HTR2A: variants seen among roughly 807,000 people sequenced by gnomAD.
HTR2A encodes the protein 5-hydroxytryptamine receptor 2A.
A neutral mutation model predicts 31.0 loss-of-function variants in HTR2A; 14 were observed. That is an observed-to-expected ratio of 0.45 (90% confidence interval 0.30 to 0.71). The LOEUF is 0.71. Ranked by LOEUF, HTR2A falls within the 30% of genes least tolerant of loss-of-function variation. HTR2A has a pLI of 0.09. For missense variants in HTR2A, 442 were observed against 573.3 expected (o/e 0.77, Z 2.34); for synonymous variants, 209 against 225.2 (o/e 0.93, Z 0.64).
At position 46,834,914 on chromosome 13, in the gene HTR2A, C is replaced by T. The variant is rs201018904; in HGVS notation, c.1339G>A (p.Ala447Thr). The change falls in exon 4 of 4, where the codon GCT becomes ACT. Residue 447 changes from alanine (A) to threonine (T), a missense_variant. Ala to Thr is a moderately conservative substitution (Grantham distance 58, BLOSUM62 0). Around this residue, in one of 5 missense-constraint regions of HTR2A, gnomAD observed 88 missense variants for 83.1 expected, o/e 1.06. Transcript: ENST00000542664. ...TCTTCAGAATGCTGCTTTCCTAGAG[C>T]AACCATTGAGCAGTCATTATCTGTT... Reference protein sequence around the residue: ...KTTDNDCSMVALGKQHSEEAS... With the variant: ...KTTDNDCSMVTLGKQHSEEAS... 8.2e-5 allele frequency: 133 copies of T among 1,614,090 alleles called. No homozygotes were observed. The Middle Eastern group carries it at 1.5e-3, about 18-fold the overall frequency.
At chr13:46,854,994 CATT>C (rs1488300752) in intron 3 of HTR2A, among the ~76,000 whole-genome samples, 2 of 152,200 alleles carry the variant, frequency 1.3e-5, no homozygotes, top group African/African-American at 2.4e-5. Flanking sequence ...GCTGAGATAA[CATT>C]ATGTGAAGAT....
intron 3 of HTR2A, among the ~76,000 whole-genome samples, chr13:46,844,268 TGAGA>T: frequency 6.6e-6 from 1 of 152,184 alleles, no homozygotes; most frequent in East Asian, 1.9e-4. Flanking sequence ...GGTAAACAAA[TGAGA>T]GAGAGGAAAA....
At chr13:46,888,377 G>T (rs1473101515) in intron 3 of HTR2A, among the ~76,000 whole-genome samples, 1 of 151,838 alleles carries the variant, frequency 6.6e-6, no homozygotes, top group Non-Finnish European at 1.5e-5. Flanking sequence ...ACAAGGTGAT[G>T]TTTCTGAAGG....
chr13:46,845,252 T>C (rs775266825), intron 3 of HTR2A, among the ~76,000 whole-genome samples: 14 of 152,162 alleles, frequency 9.2e-5, no homozygotes, highest in Non-Finnish European at 2.1e-4. Flanking sequence ...GCGAGGCTCA[T>C]TGTTGGTTGG....
chr13:46,883,440 A>G lies in HTR2A; in HGVS notation c.613+8950T>C, dbSNP rs375906642. Among the ~76,000 whole-genome samples the G allele has an allele frequency of 3.9e-5, 6 of 152,348 alleles. No individual in the cohort carries two copies. In the South Asian group the frequency reaches 1.2e-3, roughly 32 times the overall value. On this transcript the variant is annotated intron_variant, in intron 3 of 3. Transcript: ENST00000542664. ...ACGGTACTTCAAAATTACCCCATAAACTGCAAATATATTTCTGAAATGAAA... is the reference window on the plus strand; with the variant it reads ...ACGGTACTTCAAAATTACCCCATAAGCTGCAAATATATTTCTGAAATGAAA...
intron 3 of HTR2A, among the ~76,000 whole-genome samples, chr13:46,867,356 A>G (rs1452574610): frequency 6.6e-6 from 1 of 152,210 alleles, no homozygotes; most frequent in Non-Finnish European, 1.5e-5. Context: ...CATCATGGAA[A>G]ATGAAGGTTA....
chr13:46,873,034 G>A (rs941656754), intron 3 of HTR2A, among the ~76,000 whole-genome samples: 3 of 152,152 alleles, frequency 2.0e-5, no homozygotes, highest in East Asian at 1.9e-4. Flanking sequence ...CACCGCACCC[G>A]GCCACTGCCA....
intron 3 of HTR2A, among the ~76,000 whole-genome samples, chr13:46,860,881 A>G (rs1950773838): frequency 6.6e-6 from 1 of 152,186 alleles, no homozygotes; most frequent in Non-Finnish European, 1.5e-5. Context: ...GGCTGACCAC[A>G]GGGAAAATGA....
At chr13:46,879,600 A>G (rs1387832719) in intron 3 of HTR2A, among the ~76,000 whole-genome samples, 1 of 152,228 alleles carries the variant, frequency 6.6e-6, no homozygotes, top group Non-Finnish European at 1.5e-5. Flanking sequence ...AGATGGGAGT[A>G]GAAAAAAACA....
At chr13:46,839,008 A>ACACACACC (rs1555296630) in intron 3 of HTR2A, among the ~76,000 whole-genome samples, 1 of 143,956 alleles carries the variant, frequency 6.9e-6, no homozygotes, top group African/African-American at 2.7e-5. Flanking sequence ...ACACACACAC[A>ACACACACC]CCCTTACAGA....
intron 3 of HTR2A, among the ~76,000 whole-genome samples, chr13:46,879,019 T>C (rs866166804): frequency 6.6e-6 from 1 of 152,174 alleles, no homozygotes; most frequent in African/African-American, 2.4e-5. Context: ...AAAACAAATA[T>C]AAGAAACTGC....
At position 46,870,883 on chromosome 13, in the gene HTR2A, A is replaced by G. The variant is rs567210010; in HGVS notation, c.613+21507T>C. The stretch of plus-strand genomic sequence containing the variant: ...CAATATTTCAAGATTCAATATATAT[A>G]TAACTAAGATTATATAGTTTGAAAT... On this transcript the variant is annotated intron_variant, in intron 3 of 3. Transcript: ENST00000542664. 3.9e-5 allele frequency among the ~76,000 whole-genome samples: 6 copies of G among 152,332 alleles called. No homozygotes were observed. In the South Asian group the frequency reaches 1.0e-3, roughly 26 times the overall value.
chr13:46,857,336 G>A (rs9526240), intron 3 of HTR2A, among the ~76,000 whole-genome samples: 28,600 of 151,040 alleles, frequency 0.19, 2,954 homozygotes, highest in Non-Finnish European at 0.23. Context: ...CAGATCTCAA[G>A]GCTGGAATGT....
At chr13:46,886,222 A>G (rs1324666223) in intron 3 of HTR2A, among the ~76,000 whole-genome samples, 4 of 152,204 alleles carry the variant, frequency 2.6e-5, no homozygotes, top group Non-Finnish European at 4.4e-5. Context: ...TATTTTAGAT[A>G]TATTAATAGA....
chr13:46,892,671 G>T (rs1593446666), intron 2 of HTR2A, 81 bp from the exon 3 acceptor site: 2 of 1,219,518 alleles, frequency 1.6e-6, no homozygotes, highest in Non-Finnish European at 1.2e-6. Context: ...ACAATTTCCA[G>T]CTCTGGGACA....
intron 3 of HTR2A, among the ~76,000 whole-genome samples, chr13:46,884,951 TAAATATC>T (rs1950995062): frequency 6.6e-6 from 1 of 152,126 alleles, no homozygotes; most frequent in African/African-American, 2.4e-5. Flanking sequence ...TTCCTTCACT[TAAATATC>T]AAATACAGTG....
intron 3 of HTR2A, among the ~76,000 whole-genome samples, chr13:46,865,384 C>T (rs1950810953): frequency 6.6e-6 from 1 of 152,072 alleles, no homozygotes; most frequent in Admixed American, 6.6e-5. Flanking sequence ...TAAAATATTA[C>T]ATGCCTAGAA....
chr13:46,850,250 A>G (rs1923888), intron 3 of HTR2A, among the ~76,000 whole-genome samples: 113,091 of 152,134 alleles, frequency 0.74, 43,298 homozygotes, highest in African/African-American at 0.93. Context: ...TGGTGGTAGT[A>G]AATAATAATG....
Position 46,895,039 on chromosome 13 carries a change from C to T in HTR2A, c.412+456G>A, listed in dbSNP as rs529503840. Among the ~76,000 whole-genome samples, 1 of 152,300 alleles carries T rather than the reference C, an allele frequency of 6.6e-6. No individual in the cohort carries two copies. Among genetic ancestry groups the T allele is most frequent in the South Asian group, 2.1e-4 (1 of 4,830 alleles). On this transcript the variant is annotated intron_variant, in intron 2 of 3. Coordinates refer to ENST00000542664, the MANE Select transcript of HTR2A (RefSeq NM_000621.5). The surrounding 1 kb of genome is among the most constrained non-coding windows in gnomAD (Gnocchi z 4.4). ...TCCAAAGTAATTGGGAAGGCTTTAT[C>T]ACTCCATTAAAAGTGCTGAAAACTG...
Sources: gnomAD v4.1 joint callset for allele counts (sites outside exome capture counted in the v4.1 genomes callset) on GRCh38, gnomAD v4.1.1 for gene constraint, gnomAD v4.1.1 regional missense constraint, Gnocchi (gnomAD v3.1) non-coding constraint, MANE v1.5 for transcripts, NCBI Gene and HGNC (gene_info 2026-07-23, HGNC 2026-07-21) for gene names.